The following MMP26 variants were observed in gnomAD, a reference collection of about 807,000 sequenced individuals.
The protein encoded by MMP26 is matrix metalloproteinase-26.
MMP26 carries 33 observed loss-of-function variants against 31.0 expected under a neutral mutation model. The observed-to-expected ratio is 1.06, with a 90% CI of 0.81 to 1.42. The LOEUF is 1.42. Among genes scored for constraint, MMP26 ranks in the 40% most tolerant of loss-of-function variants. The probability of loss-of-function intolerance (pLI) is 0.00; values close to 1 mark genes in which losing one functional copy is unlikely to be tolerated. For missense variants in MMP26, 347 were observed against 316.1 expected (o/e 1.10, Z -0.74); for synonymous variants, 122 against 114.9 (o/e 1.06, Z -0.40).
chr11:4,927,001 T>C (rs983873623), intron 2 of MMP26, among the ~76,000 whole-genome samples: 2 of 152,202 alleles, frequency 1.3e-5, no homozygotes, highest in African/African-American at 2.4e-5. Context: ...TCCAGATTAG[T>C]GGATCAGAGA....
intron 1 of MMP26, among the ~76,000 whole-genome samples, chr11:4,765,429 T>C (rs1163786852): frequency 6.6e-6 from 1 of 152,224 alleles, no homozygotes; most frequent in East Asian, 1.9e-4. Context: ...CCTGCTCCTC[T>C]ATTCTTGCCT....
chr11:4,769,776 G>C (rs768888629), intron 2 of MMP26: 7 of 1,613,848 alleles, frequency 4.3e-6, no homozygotes, highest in Non-Finnish European at 5.9e-6. Flanking sequence ...ATGACAAACA[G>C]GATCACGCTG....
intron 2 of MMP26, among the ~76,000 whole-genome samples, chr11:4,884,704 G>C (rs113818675): frequency 1.0e-3 from 155 of 151,862 alleles, no homozygotes; most frequent in African/African-American, 3.5e-3. Context: ...AGTTCACCTT[G>C]GCAGATCTAC....
intron 2 of MMP26, chr11:4,848,476 C>T: frequency 6.2e-7 from 1 of 1,613,436 alleles, no homozygotes; most frequent in Non-Finnish European, 8.5e-7. Flanking sequence ...CAGGTTTGAC[C>T]AGCCTTCCAG....
intron 2 of MMP26, among the ~76,000 whole-genome samples, chr11:4,810,750 G>A (rs1301775973): frequency 2.6e-5 from 4 of 152,170 alleles, no homozygotes; most frequent in Non-Finnish European, 4.4e-5. Flanking sequence ...TTGTTAGGCC[G>A]GAAGGCCCTC....
intron 1 of MMP26, among the ~76,000 whole-genome samples, chr11:4,741,711 C>T (rs1848314681): frequency 6.6e-6 from 1 of 152,036 alleles, no homozygotes; most frequent in African/African-American, 2.4e-5. Flanking sequence ...ACCACCATAG[C>T]ACACGTATTC....
At chr11:4,786,242 T>A (rs952244621) in intron 2 of MMP26, among the ~76,000 whole-genome samples, 2 of 152,092 alleles carry the variant, frequency 1.3e-5, no homozygotes, top group Admixed American at 1.3e-4. Context: ...AGTTTTCCTC[T>A]TTCTGGATCT....
chr11:4,889,097 T>C (rs897118778), intron 2 of MMP26, among the ~76,000 whole-genome samples: 1 of 152,178 alleles, frequency 6.6e-6, no homozygotes, highest in African/African-American at 2.4e-5. Context: ...TCAACATACA[T>C]GTCAGTCCTA....
intron 1 of MMP26, among the ~76,000 whole-genome samples, chr11:4,758,392 T>C (rs1178150424): frequency 6.8e-6 from 1 of 147,000 alleles, no homozygotes; most frequent in Non-Finnish European, 1.5e-5. Context: ...CGTATAAAGG[T>C]AGACTTTTAA....
At chr11:4,862,623 A>C (rs947090423) in intron 2 of MMP26, among the ~76,000 whole-genome samples, 1 of 152,130 alleles carries the variant, frequency 6.6e-6, no homozygotes, top group Non-Finnish European at 1.5e-5. Flanking sequence ...ACATCTCAAG[A>C]ACTGGTCTGG....
chr11:4,955,314 A>T lies in MMP26; in HGVS notation c.-144-32754A>T, dbSNP rs142447423. On this transcript the variant is annotated intron_variant, in intron 2 of 7. Coordinates refer to ENST00000380390, the MANE Select transcript of MMP26 (RefSeq NM_021801.5). ...CTGACAGTTGTCAGGATTGAGGTGT[A>T]TCTCAGAGGATTGTGGATGGCTAGG... 1.3e-3 allele frequency: 1,465 copies of T among 1,153,556 alleles called. 241 individuals carry two copies. The African/African-American group carries it at 0.022, about 17-fold the overall frequency. The allele number at this position is 1,153,556 out of a possible 1,614,324, so 71.5% of individuals were successfully genotyped here.
chr11:4,859,718 A>G (rs1329123445), intron 2 of MMP26: 2 of 471,020 alleles, frequency 4.2e-6, no homozygotes, highest in African/African-American at 4.0e-5. Flanking sequence ...AGCAGTAGGT[A>G]TATATCAGCC....
chr11:4,831,342 G>T (rs773496981), intron 2 of MMP26, among the ~76,000 whole-genome samples: 25 of 152,092 alleles, frequency 1.6e-4, no homozygotes, highest in Non-Finnish European at 3.5e-4. Context: ...TACTCACACT[G>T]CCCTGCCTCA....
intron 2 of MMP26, among the ~76,000 whole-genome samples, chr11:4,979,514 A>G (rs559522026): frequency 2.3e-4 from 35 of 152,222 alleles, no homozygotes; most frequent in African/African-American, 8.2e-4. Context: ...TAGTGGCTCA[A>G]TCCTTAGTTT....
chr11:4,737,799 A>G (rs1244124425), intron 1 of MMP26, among the ~76,000 whole-genome samples: 2 of 152,224 alleles, frequency 1.3e-5, no homozygotes, highest in Non-Finnish European at 2.9e-5. Flanking sequence ...TTAATTGGGG[A>G]ATTCAAAGTG....
chr11:4,932,491 T>C (rs1284947878), intron 2 of MMP26, among the ~76,000 whole-genome samples: 1 of 152,134 alleles, frequency 6.6e-6, no homozygotes, highest in East Asian at 1.9e-4. Context: ...AAGCCTAAGC[T>C]ACATGGAGAG....
At chr11:4,890,979 GAATAATAATAATAATAATAATAATAAT>G (rs71050436) in intron 2 of MMP26, among the ~76,000 whole-genome samples, 3 of 137,128 alleles carry the variant, frequency 2.2e-5, no homozygotes, top group African/African-American at 8.0e-5. Flanking sequence ...AATGAACTCA[GAATAATAATAATAATAATAATAATAAT>G]AATAATAATA....
intron 1 of MMP26, chr11:4,709,547 G>C: frequency 2.4e-6 from 1 of 416,180 alleles, no homozygotes; most frequent in South Asian, 1.8e-5. Flanking sequence ...TTTCCTCAAA[G>C]ACATCTGCTT....
Position 4,992,279 on chromosome 11 carries a change from G to T in MMP26, c.*37G>T. 6.3e-7 allele frequency: 1 copy of T among 1,594,114 alleles called. No homozygotes were observed. Among genetic ancestry groups the T allele is most frequent in the Middle Eastern group, 1.7e-4 (1 of 5,844 alleles). On this transcript the variant is annotated 3_prime_UTR_variant, in exon 8 of 8. Transcript: ENST00000380390. ...AGGACTTATTCAACCTGTCCTTTCA[G>T]GGAGTTTATTGGAGGATCAAAGAAC...
Sources: gnomAD v4.1 joint callset for allele counts (sites outside exome capture counted in the v4.1 genomes callset) on GRCh38, gnomAD v4.1.1 for gene constraint, MANE v1.5 for transcripts, NCBI Gene and HGNC (gene_info 2026-07-23, HGNC 2026-07-21) for gene names.